The following TMEM63B variants were observed in gnomAD, a reference collection of about 807,000 sequenced individuals.
TMEM63B encodes mechanosensitive cation channel TMEM63B.
A neutral mutation model predicts 102.6 loss-of-function variants in TMEM63B; 23 were observed. That is an observed-to-expected ratio of 0.22 (90% CI 0.16 to 0.32). The LOEUF is 0.32. Among genes scored for constraint, TMEM63B ranks in the 10% least tolerant of loss-of-function variants. The pLI, the probability that TMEM63B is intolerant of heterozygous loss-of-function variation, is 1.00. For synonymous variants in TMEM63B, 444 were observed against 437.0 expected, an observed-to-expected ratio of 1.02 and a Z score of -0.20; for missense variants, 628 against 1,095.9, an observed-to-expected ratio of 0.57 and a Z score of 6.03.
At chr6:44,144,737 C>T (rs922856104) in intron 10 of TMEM63B, among the ~76,000 whole-genome samples, 6 of 151,974 alleles carry the variant, frequency 3.9e-5, no homozygotes, top group Admixed American at 1.3e-4. Flanking sequence ...GCTGGAACTA[C>T]AGGCACTCAC....
At position 44,140,364 on chromosome 6, in the gene TMEM63B, C is replaced by T. The variant is rs759230219; in HGVS notation, c.711+4C>T. 2.5e-6 allele frequency: 4 copies of T among 1,610,990 alleles called. No individual in the cohort carries two copies. Among genetic ancestry groups the T allele is most frequent in the Non-Finnish European group, 3.4e-6 (4 of 1,177,576 alleles). ...GCGCTACAAGGAGGATGATCTGGTG[C>T]GTGGAGCAGAGCCCAGGTCCTGCCC... On this transcript the variant is annotated splice_donor_region_variant and intron_variant, in intron 9 of 23. Transcript: ENST00000323267.
intron 8 of TMEM63B, 70 bp from the exon 9 acceptor site, chr6:44,140,182 A>C: frequency 8.0e-7 from 1 of 1,247,238 alleles, no homozygotes; most frequent in East Asian, 2.3e-5. Context: ...TAACACTGAC[A>C]GGCTGAGGTG....
At position 44,131,807 on chromosome 6, in the gene TMEM63B, TAAA is replaced by T. The variant is rs545982168; in HGVS notation, c.-24-2751_-24-2749del. The stretch of plus-strand genomic sequence containing the variant: ...TGCACACACTCCTTAATGGTAAAAT[TAAA>T]AAGTTAGCTAGAAGTAAAATGCTCC... On this transcript the variant is annotated intron_variant, in intron 1 of 23. Transcript: ENST00000323267. Among the ~76,000 whole-genome samples the T allele has an allele frequency of 6.7e-5, 10 of 149,532 alleles. No individual in the cohort carries two copies. The East Asian group carries it at 2.0e-3, about 30-fold the overall frequency.
At position 44,139,566 on chromosome 6, in the gene TMEM63B, C is replaced by T. The variant is rs145356402; in HGVS notation, c.507C>T (p.Ser169=). The T allele has an allele frequency of 1.2e-5, 19 of 1,614,120 alleles. No homozygotes were observed. Among genetic ancestry groups the T allele is most frequent in the East Asian group, 6.7e-5 (3 of 44,892 alleles). ...IGLLVVVGVL[S]VGIVLPVNFS... ...TGCTGGTGGTTGTGGGCGTCCTCTC[C>T]GTAGGCATCGTGCTGCCTGTCAACT... Residue 169 remains serine (S), a synonymous_variant, in exon 7 of 24, where the codon TCC becomes TCT. Transcript: ENST00000323267.
chr6:44,151,092 G>C (rs1766503563), intron 18 of TMEM63B, among the ~76,000 whole-genome samples: 1 of 152,102 alleles, frequency 6.6e-6, no homozygotes, highest in African/African-American at 2.4e-5. Context: ...TTTTGGGTAT[G>C]TGTAGGAGGC....
At position 44,154,454 on chromosome 6, in the gene TMEM63B, C is replaced by A; in HGVS notation, c.2307+9C>A. ...CTGTCCCCAAATCTGCGGTGAGTGCCCTCAAGGGTTGGGAGGGGCCTCTGA... is the reference window on the plus strand; with the variant it reads ...CTGTCCCCAAATCTGCGGTGAGTGCACTCAAGGGTTGGGAGGGGCCTCTGA... On this transcript the variant is annotated intron_variant, in intron 23 of 23. Transcript: ENST00000323267. The A allele has an allele frequency of 6.2e-7, 1 of 1,613,898 alleles. No homozygotes were observed. Among genetic ancestry groups the A allele is most frequent in the South Asian group, 1.1e-5 (1 of 91,078 alleles).
At chr6:44,127,167 G>GACCCCCCTCCCCGTCGGGA, upstream of TMEM63B, 1 of 86,450 alleles carries the variant, frequency 1.2e-5, no homozygotes, top group Non-Finnish European at 2.7e-5. Flanking sequence ...TCCCCGTCGG[G>GACCCCCCTCCCCGTCGGGA]ACCCCCCTCC....
At chr6:44,154,276 G>A in intron 22 of TMEM63B, 88 bp downstream of exon 22, 1 of 1,600,256 alleles carries the variant, frequency 6.2e-7, no homozygotes, top group South Asian at 1.1e-5. Flanking sequence ...GAGGGCTGAG[G>A]GCAGCGCCAA....
chr6:44,150,118 C>T lies in TMEM63B; in HGVS notation c.1521-106C>T, dbSNP rs1390584975. On this transcript the variant is annotated intron_variant, in intron 16 of 23. Coordinates refer to ENST00000323267, the MANE Select transcript of TMEM63B (RefSeq NM_018426.3). This position sits in a 1 kb window ranked among gnomAD's most constrained non-coding sequence, Gnocchi z 4.7. ...TGCCCAGCACCCTCACCTTGGGAGG[C>T]CCACCCTTCCCAGGGGACACTCCTT... The T allele has an allele frequency of 3.7e-6, 5 of 1,352,298 alleles. No homozygotes were observed. The highest frequency in any genetic ancestry group is 4.1e-6 in the Non-Finnish European group (4 of 966,330). The allele number at this position is 1,352,298 out of a possible 1,614,324, so 83.8% of individuals were successfully genotyped here.
At chr6:44,151,760 G>A (rs183406021) in intron 18 of TMEM63B, 86 bp from the exon 19 acceptor site, 440 of 1,439,400 alleles carry the variant, frequency 3.1e-4, no homozygotes, top group Admixed American at 4.8e-4. Flanking sequence ...TGGTGGTGGA[G>A]GTGTTGGGTG....
At chr6:44,134,376 G>T (rs189451180) in intron 1 of TMEM63B, 185 bp from the exon 2 acceptor site, 282 of 590,064 alleles carry the variant, frequency 4.8e-4, no homozygotes, top group Non-Finnish European at 7.3e-4. Flanking sequence ...TAGCCAGAGA[G>T]CCAGTGAAGG....
chr6:44,131,391 G>C (rs1391606614), intron 1 of TMEM63B, among the ~76,000 whole-genome samples: 1 of 152,006 alleles, frequency 6.6e-6, no homozygotes, highest in African/African-American at 2.4e-5. Context: ...AGACCACATG[G>C]CCTTGCTTTG....
chr6:44,151,691 G>A (rs959818192), intron 18 of TMEM63B, among the ~76,000 whole-genome samples, 155 bp from the exon 19 acceptor site: 1 of 152,138 alleles, frequency 6.6e-6, no homozygotes, highest in Non-Finnish European at 1.5e-5. Context: ...TCTCTGGGGG[G>A]AACAGGGCAC....
rs1269023531 is a variant in TMEM63B at position 44,138,465 on chromosome 6, C to T, written c.370-15C>T. On this transcript the variant is annotated splice_polypyrimidine_tract_variant and intron_variant, in intron 5 of 23. Transcript: ENST00000323267. The stretch of plus-strand genomic sequence containing the variant: ...TGGGCTGGGGACTCCCGCTGACAGC[C>T]CTCTGTTCCCCCAGGGTTTCTGTTC... 2 of 1,613,856 alleles carry T rather than the reference C, an allele frequency of 1.2e-6. No individual in the cohort carries two copies. The highest frequency in any genetic ancestry group is 1.7e-6 in the Non-Finnish European group (2 of 1,179,996).
Position 44,146,818 on chromosome 6 carries a change from C to T in TMEM63B, c.783-29C>T, listed in dbSNP as rs1305626539. The T allele has an allele frequency of 1.9e-6, 3 of 1,611,980 alleles. No homozygotes were observed. In the Admixed American group the frequency reaches 5.0e-5, roughly 27 times the overall value. ...CAGGGGCAGGTGGGTGGGGTCCCTG[C>T]ACAAGATGATACATGAACTGTGTTT... On this transcript the variant is annotated intron_variant, in intron 10 of 23. Transcript: ENST00000323267.
chr6:44,153,882 A>G (rs759054220), intron 21 of TMEM63B, 39 bp downstream of exon 21: 11 of 1,599,228 alleles, frequency 6.9e-6, no homozygotes, highest in Non-Finnish European at 8.5e-6. Context: ...GGTGGCGAGC[A>G]GAGTGGATTC....
At chr6:44,142,201 A>G (rs1308261101) in intron 10 of TMEM63B, among the ~76,000 whole-genome samples, 3 of 150,884 alleles carry the variant, frequency 2.0e-5, no homozygotes, top group African/African-American at 7.3e-5. Context: ...GAGGCCCAAG[A>G]TGGGAGAATT....
Position 44,135,057 on chromosome 6 carries a change from G to A in TMEM63B, c.200G>A (p.Trp67Ter). 1 of 1,614,256 alleles carries A rather than the reference G, an allele frequency of 6.2e-7. No homozygotes were observed. Among genetic ancestry groups the A allele is most frequent in the Non-Finnish European group, 8.5e-7 (1 of 1,180,040 alleles). The change falls in exon 3 of 24, where the codon TGG becomes TAG. Residue 67 changes from tryptophan (W) to a stop codon, truncating the protein, a stop_gained. Coordinates refer to ENST00000323267, the MANE Select transcript of TMEM63B (RefSeq NM_018426.3). LOFTEE classifies it high-confidence loss of function. ...FLFSILRKVAWDYGRLALVTD... is the reference protein window; with the variant it reads ...FLFSILRKVA The stretch of plus-strand genomic sequence containing the variant: ...TTCTCTATCCTCCGGAAGGTGGCCT[G>A]GGACTATGGGCGGCTGGCCTTGGTG...
At chr6:44,135,451 T>C in intron 4 of TMEM63B, 85 bp downstream of exon 4, 1 of 1,502,482 alleles carries the variant, frequency 6.7e-7, no homozygotes, top group South Asian at 1.2e-5. Flanking sequence ...CCTGCCAAGT[T>C]GCTGGTTTCT....
Sources: gnomAD v4.1 joint callset for allele counts (sites outside exome capture counted in the v4.1 genomes callset) on GRCh38, gnomAD v4.1.1 for gene constraint, Gnocchi (gnomAD v3.1) non-coding constraint, MANE v1.5 for transcripts, NCBI Gene and HGNC (gene_info 2026-07-23, HGNC 2026-07-21) for gene names.